The following TENM2 variants were observed in gnomAD, a reference collection of about 807,000 sequenced individuals.
TENM2 encodes teneurin-2.
Under a neutral mutation model 245.2 loss-of-function variants are expected in TENM2, and 52 were observed. The observed-to-expected ratio is 0.21, with a 90% confidence interval of 0.17 to 0.27. The LOEUF (loss-of-function observed/expected upper bound fraction) is 0.27. Among genes scored for constraint, TENM2 ranks in the 10% least tolerant of loss-of-function variants. TENM2 has a pLI of 1.00. For missense variants in TENM2, 3,046 were observed against 3,666.8 expected (o/e 0.83, Z 4.37); for synonymous variants, 1,363 against 1,438.9 (o/e 0.95, Z 1.19).
chr5:167,308,342 C>G (rs1396221688), intron 1 of TENM2, among the ~76,000 whole-genome samples: 1 of 152,156 alleles, frequency 6.6e-6, no homozygotes, highest in African/African-American at 2.4e-5. Flanking sequence ...GTATCCTAGA[C>G]AAAGTTCCTA....
chr5:167,683,249 C>CTTTT (rs1554100261), intron 2 of TENM2, among the ~76,000 whole-genome samples: 34 of 67,342 alleles, frequency 5.0e-4, no homozygotes, highest in African/African-American at 9.6e-4. Flanking sequence ...AGGACCATGT[C>CTTTT]TTTTTTTTTT....
intron 3 of TENM2, among the ~76,000 whole-genome samples, chr5:167,926,190 GGAAA>G (rs1283340575): frequency 2.6e-5 from 4 of 152,100 alleles, no homozygotes; most frequent in Non-Finnish European, 5.9e-5. Context: ...AATAAAAATA[GGAAA>G]GAAAGACCCA....
chr5:167,305,179 A>T (rs1755598268), intron 1 of TENM2, among the ~76,000 whole-genome samples: 1 of 152,166 alleles, frequency 6.6e-6, no homozygotes, highest in Admixed American at 6.5e-5. Flanking sequence ...TTTTTCGTTC[A>T]GGTTTGCCTG....
chr5:167,165,778 A>T, the TENM2 span, among the ~76,000 whole-genome samples: 1 of 152,188 alleles, frequency 6.6e-6, no homozygotes, highest in Admixed American at 6.5e-5. Flanking sequence ...ATAAGACAAG[A>T]TGTACAAATA....
the TENM2 span, among the ~76,000 whole-genome samples, chr5:167,231,475 T>TA: frequency 1.3e-5 from 2 of 152,214 alleles, no homozygotes; most frequent in African/African-American, 4.8e-5. Context: ...GCAAGGAGAC[T>TA]AGCAGCATTT....
rs1778962551 is a variant in TENM2 at position 167,939,069 on chromosome 5, C to T, written c.713-13519C>T. The stretch of plus-strand genomic sequence containing the variant: ...TGGAGAAAACTGTCACTTTGGATTT[C>T]TCTCAGAGAATATAAAAGACTTTCT... On this transcript the variant is annotated intron_variant, in intron 3 of 28. Coordinates refer to ENST00000518659, the Ensembl canonical transcript of TENM2. Among the ~76,000 whole-genome samples, 4 of 152,152 alleles carry T rather than the reference C, an allele frequency of 2.6e-5. No individual in the cohort carries two copies. The South Asian group carries it at 8.3e-4, about 31-fold the overall frequency.
At chr5:167,407,205 T>C (rs556291652) in intron 2 of TENM2, among the ~76,000 whole-genome samples, 2 of 152,258 alleles carry the variant, frequency 1.3e-5, no homozygotes, top group South Asian at 2.1e-4. Context: ...TGTAGAGCTA[T>C]AGGGACTTTG....
the TENM2 span, among the ~76,000 whole-genome samples, chr5:167,236,487 A>G: frequency 9.8e-5 from 15 of 152,314 alleles, no homozygotes; most frequent in South Asian, 2.5e-3. Flanking sequence ...GTATAACAGG[A>G]AGAAAGCTGA....
At chr5:167,251,437 A>G in the TENM2 span, among the ~76,000 whole-genome samples, 2 of 152,190 alleles carry the variant, frequency 1.3e-5, no homozygotes, top group East Asian at 1.9e-4. Context: ...TATATCTATT[A>G]TGCTTTTAGA....
intron 2 of TENM2, among the ~76,000 whole-genome samples, chr5:167,520,381 C>T (rs1770674069): frequency 6.6e-6 from 1 of 152,128 alleles, no homozygotes; most frequent in Admixed American, 6.6e-5. Flanking sequence ...GGTGTAACAT[C>T]TTCAGATGAA....
At chr5:167,546,784 A>G (rs1369970610) in intron 2 of TENM2, among the ~76,000 whole-genome samples, 1 of 152,156 alleles carries the variant, frequency 6.6e-6, no homozygotes, top group African/African-American at 2.4e-5. Context: ...GCTTTCTTCC[A>G]TGCTCAAAAG....
chr5:167,221,949 C>T, the TENM2 span, among the ~76,000 whole-genome samples: 32,451 of 152,032 alleles, frequency 0.21, 4,143 homozygotes, highest in African/African-American at 0.36. Flanking sequence ...ATGAGTACAG[C>T]AAATGCAGTG....
chr5:167,331,612 G>A (rs1270373832), intron 1 of TENM2, among the ~76,000 whole-genome samples: 2 of 152,336 alleles, frequency 1.3e-5, no homozygotes, highest in East Asian at 3.9e-4. Context: ...GAAGGAAGAT[G>A]GAGAACCTCT....
intron 5 of TENM2, among the ~76,000 whole-genome samples, chr5:167,998,655 C>T (rs1167469741): frequency 6.6e-6 from 1 of 151,848 alleles, no homozygotes; most frequent in Non-Finnish European, 1.5e-5. Flanking sequence ...TAGTTCTTAG[C>T]TCTTCAGATC....
intron 4 of TENM2, among the ~76,000 whole-genome samples, chr5:167,959,260 T>C (rs1373539411): frequency 2.0e-5 from 3 of 151,458 alleles, no homozygotes; most frequent in Middle Eastern, 3.4e-3. Flanking sequence ...AGTGGCGCGA[T>C]CTCGGCTCAC....
chr5:168,246,657 T>G, intron 26 of TENM2, 100 bp from the exon 29 acceptor site: 2 of 1,191,422 alleles, frequency 1.7e-6, no homozygotes, highest in South Asian at 2.8e-5. Flanking sequence ...TTTCATGACT[T>G]TTGAGTTGAC....
chr5:167,239,415 C>G, the TENM2 span, among the ~76,000 whole-genome samples: 1 of 152,182 alleles, frequency 6.6e-6, no homozygotes, highest in Non-Finnish European at 1.5e-5. Context: ...TTCTTCTTGT[C>G]CTGACTACCC....
At chr5:167,465,631 C>A (rs1766596148) in intron 2 of TENM2, among the ~76,000 whole-genome samples, 1 of 152,190 alleles carries the variant, frequency 6.6e-6, no homozygotes, top group African/African-American at 2.4e-5. Context: ...AAATCGAGAC[C>A]ATCCTGACTA....
chr5:168,181,675 T>A (rs921373340), intron 13 of TENM2, among the ~76,000 whole-genome samples: 3 of 140,642 alleles, frequency 2.1e-5, no homozygotes, highest in Non-Finnish European at 3.1e-5. Context: ...ACTTCTTTTT[T>A]TTTTTTTTTT....
Sources: gnomAD v4.1 joint callset for allele counts (sites outside exome capture counted in the v4.1 genomes callset) on GRCh38, gnomAD v4.1.1 for gene constraint, MANE v1.5 for transcripts, NCBI Gene and HGNC (gene_info 2026-07-23, HGNC 2026-07-21) for gene names.